Variants in EYS observed in about 807,000 individuals in gnomAD.
EYS encodes the protein protein eyes shut homolog.
A neutral mutation model predicts 282.1 loss-of-function variants in EYS; 250 were observed. The observed-to-expected ratio is 0.89, with a 90% CI of 0.80 to 0.98. The LOEUF is 0.98. Among genes scored for constraint, EYS ranks in the 50% least tolerant of loss-of-function variants. The pLI is 0.00. For synonymous variants in EYS, 1,355 were observed against 1,282.9 expected (o/e 1.06, Z -1.20); for missense variants, 4,016 against 3,709.0 (o/e 1.08, Z -2.15).
intron 36 of EYS, among the ~76,000 whole-genome samples, chr6:63,826,847 A>AAAAAAAAAAAAAAAAGGAAAAAAAC (rs1771479760): frequency 1.2e-3 from 2 of 1,722 alleles, no homozygotes; most frequent in Non-Finnish European, 1.1e-3. Context: ...TTAAAAAGCA[A>AAAAAAAAAAAAAAAAGGAAAAAAAC]AAAAAAAAAA....
intron 35 of EYS, among the ~76,000 whole-genome samples, chr6:63,902,762 A>G (rs1358160692): frequency 6.6e-6 from 1 of 150,852 alleles, no homozygotes; most frequent in Non-Finnish European, 1.5e-5. Flanking sequence ...TTCAAATAGT[A>G]TGCTAAAAAT....
At chr6:64,582,145 C>T (rs1315874939) in intron 26 of EYS, among the ~76,000 whole-genome samples, 9 of 152,074 alleles carry the variant, frequency 5.9e-5, no homozygotes, top group Non-Finnish European at 1.0e-4. Flanking sequence ...TGTCATTGTA[C>T]AAAATTAGTC....
chr6:63,836,043 A>G (rs2149694673), intron 36 of EYS, among the ~76,000 whole-genome samples: 1 of 152,214 alleles, frequency 6.6e-6, no homozygotes, highest in Admixed American at 6.6e-5. Flanking sequence ...GAAAATTATT[A>G]TACAGGTTTT....
chr6:63,802,794 G>A (rs1770813156), intron 37 of EYS, among the ~76,000 whole-genome samples: 1 of 151,828 alleles, frequency 6.6e-6, no homozygotes, highest in African/African-American at 2.4e-5. Context: ...TGGTCTTCTT[G>A]CTCCCTCATG....
intron 5 of EYS, among the ~76,000 whole-genome samples, chr6:65,412,533 T>C (rs1278787854): frequency 6.6e-6 from 1 of 152,184 alleles, no homozygotes; most frequent in East Asian, 1.9e-4. Flanking sequence ...TTTTAATAGG[T>C]ATGTAGCAAC....
intron 24 of EYS, among the ~76,000 whole-genome samples, chr6:64,600,496 G>T (rs1766730375): frequency 6.6e-6 from 1 of 152,004 alleles, no homozygotes; most frequent in Non-Finnish European, 1.5e-5. Flanking sequence ...GTAATATTGA[G>T]ATATCTTTGT....
intron 39 of EYS, among the ~76,000 whole-genome samples, chr6:63,783,659 T>A (rs1770292285): frequency 6.6e-6 from 1 of 152,200 alleles, no homozygotes; most frequent in Non-Finnish European, 1.5e-5. Flanking sequence ...TCACTCTCAA[T>A]GAGTGAGCTC....
intron 13 of EYS, among the ~76,000 whole-genome samples, chr6:65,023,738 C>T (rs910169434): frequency 3.9e-5 from 6 of 152,158 alleles, no homozygotes; most frequent in African/African-American, 1.4e-4. Flanking sequence ...AGCATGAAAT[C>T]GCAAGAGCAG....
intron 2 of EYS, among the ~76,000 whole-genome samples, chr6:65,617,157 A>G (rs530351242): frequency 7.9e-5 from 12 of 152,238 alleles, no homozygotes; most frequent in African/African-American, 2.9e-4. Flanking sequence ...AAACATCAAG[A>G]GTGTTAGAAA....
At chr6:64,642,436 T>C (rs554807466) in intron 22 of EYS, among the ~76,000 whole-genome samples, 1 of 152,346 alleles carries the variant, frequency 6.6e-6, no homozygotes, top group South Asian at 2.1e-4. Flanking sequence ...TATTTTCCTA[T>C]ACTTACAATC....
rs1304001862 is a variant in EYS, at chr6:64,301,587, G to C, written c.6191+5383C>G. 2.6e-5 allele frequency among the ~76,000 whole-genome samples: 4 copies of C among 152,146 alleles called. No individual in the cohort carries two copies. The East Asian group carries it at 7.7e-4, about 29-fold the overall frequency. On this transcript the variant is annotated intron_variant, in intron 30 of 42. Coordinates refer to ENST00000503581, the MANE Select transcript of EYS (RefSeq NM_001142800.2). Reference sequence around the variant, plus strand: ...CTTCAGACAATGCAATCAGTTGCTAGGTTATGATCCTGATATCATCAGGAT... The same window carrying C: ...CTTCAGACAATGCAATCAGTTGCTACGTTATGATCCTGATATCATCAGGAT...
intron 26 of EYS, among the ~76,000 whole-genome samples, chr6:64,456,669 GT>G (rs551660792): frequency 1.3e-5 from 2 of 151,814 alleles, no homozygotes; most frequent in Admixed American, 6.6e-5. Context: ...TATAAAGTGG[GT>G]TTTTTTGCAG....
At chr6:64,372,130 G>GTTTTGTTTTTTTT (rs1772394706) in intron 29 of EYS, among the ~76,000 whole-genome samples, 3 of 97,738 alleles carry the variant, frequency 3.1e-5, no homozygotes, top group African/African-American at 1.4e-4. Flanking sequence ...GTATACTTGT[G>GTTTTGTTTTTTTT]TTTTTTTTTT....
At chr6:63,721,847 T>C (rs1361024374) in intron 42 of EYS, 50 bp from the exon 43 acceptor site, 5 of 1,480,108 alleles carry the variant, frequency 3.4e-6, no homozygotes, top group Admixed American at 2.5e-5. Context: ...AAAGTTTCCA[T>C]TGAAAACTTT....
At chr6:65,113,354 T>C (rs971162163) in intron 12 of EYS, among the ~76,000 whole-genome samples, 1 of 151,788 alleles carries the variant, frequency 6.6e-6, no homozygotes, top group African/African-American at 2.4e-5. Context: ...AGTAGGTCTA[T>C]ACATTTCCCT....
At chr6:64,913,099 T>A (rs903385812) in intron 15 of EYS, among the ~76,000 whole-genome samples, 1 of 152,136 alleles carries the variant, frequency 6.6e-6, no homozygotes, top group African/African-American at 2.4e-5. Flanking sequence ...TCACTATTTA[T>A]AAGCCTTAAA....
chr6:65,008,863 C>T (rs1771775197), intron 13 of EYS, among the ~76,000 whole-genome samples: 1 of 152,176 alleles, frequency 6.6e-6, no homozygotes, highest in Non-Finnish European at 1.5e-5. Flanking sequence ...TCTTACTCTC[C>T]TGTCTTGGAC....
chr6:65,171,931 A>T (rs1232797176), intron 12 of EYS, among the ~76,000 whole-genome samples: 8 of 151,510 alleles, frequency 5.3e-5, no homozygotes, highest in African/African-American at 1.9e-4. Context: ...ATTATATACC[A>T]TGAATATTAT....
chr6:65,582,880 C>A (rs1764916813), intron 2 of EYS, among the ~76,000 whole-genome samples: 2 of 151,962 alleles, frequency 1.3e-5, no homozygotes, highest in South Asian at 4.1e-4. Flanking sequence ...AAAGATGTAA[C>A]CACATTAAAA....
Sources: gnomAD v4.1 joint callset for allele counts (sites outside exome capture counted in the v4.1 genomes callset) on GRCh38, gnomAD v4.1.1 for gene constraint, MANE v1.5 for transcripts, NCBI Gene and HGNC (gene_info 2026-07-23, HGNC 2026-07-21) for gene names.